The following RASSF3 variants were observed in gnomAD, a reference collection of about 807,000 sequenced individuals.
The protein encoded by RASSF3 is Ras association domain family member 3, also known as ras association domain-containing protein 3.
RASSF3 carries 19 observed loss-of-function variants against 19.9 expected under a neutral mutation model. The observed-to-expected ratio is 0.96, with a 90% CI of 0.67 to 1.40. The LOEUF is 1.40. RASSF3 is among the 40% of genes most tolerant of loss of function. The pLI is 0.00. For missense variants in RASSF3, 306 were observed against 289.8 expected, an observed-to-expected ratio of 1.06 and a Z score of -0.41; for synonymous variants, 110 against 104.2, an observed-to-expected ratio of 1.06 and a Z score of -0.34.
intron 3 of RASSF3, 113 bp downstream of exon 3, chr12:64,688,566 G>C (rs1268115210): frequency 5.2e-6 from 4 of 772,264 alleles, no homozygotes; most frequent in Non-Finnish European, 8.9e-6. Flanking sequence ...TCAGAGCCTG[G>C]AGTCCGATGC....
intron 2 of RASSF3, among the ~76,000 whole-genome samples, chr12:64,602,272 A>ATT (rs564425315): frequency 2.8e-5 from 4 of 143,574 alleles, no homozygotes; most frequent in Admixed American, 7.0e-5. Context: ...CCTCATCTCT[A>ATT]TTTTTTTTTT....
intron 2 of RASSF3, among the ~76,000 whole-genome samples, chr12:64,604,730 C>T (rs1487443449): frequency 2.0e-5 from 3 of 151,660 alleles, no homozygotes; most frequent in African/African-American, 7.3e-5. Flanking sequence ...CTCCGCCTCC[C>T]GGGTTCACGT....
chr12:64,663,553 G>A lies in RASSF3; in HGVS notation c.112-21234G>A, dbSNP rs151177401. ...TTTTTTTTTTTTGAGATGAAGTCTT[G>A]CTCTGTCACCCAGGCTGGAGTGCAG... On this transcript the variant is annotated intron_variant, in intron 1 of 4. Transcript: ENST00000542104. Among the ~76,000 whole-genome samples, 392 of 150,424 alleles carry A rather than the reference G, an allele frequency of 2.6e-3. 2 individuals carry two copies. The highest frequency in any genetic ancestry group is 9.3e-3 in the African/African-American group (380 of 40,876).
chr12:64,523,490 C>T (rs932165938), intron 1 of RASSF3, among the ~76,000 whole-genome samples: 4 of 152,058 alleles, frequency 2.6e-5, no homozygotes, highest in Non-Finnish European at 4.4e-5. Flanking sequence ...CCTGAGGTTC[C>T]AAAAAGCTCC....
At chr12:64,516,835 AC>A (rs1193885982) in intron 1 of RASSF3, among the ~76,000 whole-genome samples, 4 of 151,828 alleles carry the variant, frequency 2.6e-5, no homozygotes, top group Non-Finnish European at 5.9e-5. Flanking sequence ...CCCCATCTCT[AC>A]TTAAAAGACA....
At position 64,688,422 on chromosome 12, in the gene RASSF3, A is replaced by G. The variant is rs751247383; in HGVS notation, c.426A>G (p.Ala142=). 2.5e-6 allele frequency: 4 copies of G among 1,614,160 alleles called. No individual in the cohort carries two copies. The highest frequency in any genetic ancestry group is 2.2e-5 in the South Asian group (2 of 91,088). The change falls in exon 3 of 5, where the codon GCA becomes GCG. Residue 142 remains alanine, a synonymous_variant. Transcript: ENST00000542104. ...TGACTGAGAGCCCTGCCAAGTTTGC[A>G]CTTTATAAGCGTTGTCACAGGGAAG... The part of the protein sequence containing the change: ...FLVTESPAKF[A]LYKRCHREDQ...
intron 1 of RASSF3, among the ~76,000 whole-genome samples, chr12:64,618,383 G>A (rs1322294097): frequency 2.6e-5 from 4 of 152,144 alleles, no homozygotes; most frequent in Non-Finnish European, 5.9e-5. Context: ...CTGGAGTGCA[G>A]TGGCGTGATC....
intron 1 of RASSF3, among the ~76,000 whole-genome samples, chr12:64,679,880 C>T (rs550902801): frequency 1.4e-4 from 21 of 152,370 alleles, no homozygotes; most frequent in South Asian, 4.1e-4. Flanking sequence ...GATGCCCTCA[C>T]TGGCTGCCAA....
In RASSF3 at chr12:64,623,573, T is replaced by C. The variant is rs1870871109; in HGVS notation, c.111+12830T>C. Reference sequence around the variant, plus strand: ...CTGTTTCTGTTTGTTCAGACAGGCTTGTGGATTGCTTTTCTTGCCAGTGTT... The same window carrying C: ...CTGTTTCTGTTTGTTCAGACAGGCTCGTGGATTGCTTTTCTTGCCAGTGTT... On this transcript the variant is annotated intron_variant, in intron 1 of 4. Coordinates refer to ENST00000542104, the MANE Select transcript of RASSF3 (RefSeq NM_178169.4). Among the ~76,000 whole-genome samples, 3 of 152,222 alleles carry C rather than the reference T, an allele frequency of 2.0e-5. 1 individual carries two copies. In the South Asian group the frequency reaches 6.2e-4, roughly 31 times the overall value.
chr12:64,530,914 C>T (rs897242133), upstream of RASSF3, among the ~76,000 whole-genome samples: 1 of 152,108 alleles, frequency 6.6e-6, no homozygotes, highest in Non-Finnish European at 1.5e-5. Flanking sequence ...AAGTAGGTTA[C>T]TTGGTTTCTA....
rs929965419 is a variant in RASSF3, at chr12:64,696,967, A to G, written c.*2055A>G. 2 of 151,120 alleles carry G rather than the reference A, an allele frequency of 1.3e-5. No homozygotes were observed. The highest frequency in any genetic ancestry group is 4.9e-5 in the African/African-American group (2 of 41,030). 9.4% of individuals were successfully genotyped at this position (151,120 alleles called of 1,614,324 possible). On this transcript the variant is annotated 3_prime_UTR_variant, in exon 5 of 5. Coordinates refer to ENST00000542104, the MANE Select transcript of RASSF3 (RefSeq NM_178169.4). ...GTTATTACCACCTGGTTTTTTAATT[A>G]TTCATCCCAGTAAACTTATATTTTG... is the stretch of plus-strand genomic sequence containing the variant.
chr12:64,664,709 A>C (rs537193065), intron 1 of RASSF3, among the ~76,000 whole-genome samples: 4 of 152,318 alleles, frequency 2.6e-5, no homozygotes, highest in African/African-American at 9.6e-5. Context: ...TCAAATGTAT[A>C]AGACCAAGCA....
upstream of RASSF3, among the ~76,000 whole-genome samples, chr12:64,610,178 C>T (rs985024925): frequency 3.9e-5 from 6 of 152,276 alleles, no homozygotes; most frequent in South Asian, 6.2e-4. Context: ...AGGCTGGGGG[C>T]GGGCGGACGG....
intron 2 of RASSF3, among the ~76,000 whole-genome samples, chr12:64,576,827 G>A (rs931172927): frequency 2.0e-5 from 3 of 149,140 alleles, no homozygotes; most frequent in African/African-American, 7.5e-5. Flanking sequence ...CTCCAGCCTG[G>A]GCAATGGAGT....
chr12:64,613,472 G>C (rs912235230), intron 1 of RASSF3, among the ~76,000 whole-genome samples: 2 of 152,096 alleles, frequency 1.3e-5, no homozygotes, highest in Non-Finnish European at 2.9e-5. Flanking sequence ...GGAGAAAGGG[G>C]TGAGGGAGCG....
At position 64,694,764 on chromosome 12, in the gene RASSF3, G is replaced by GGGA. The variant is rs762902641; in HGVS notation, c.570_572dup (p.Glu191dup). The GGGA allele has an allele frequency of 5.0e-6, 8 of 1,614,052 alleles. No individual in the cohort carries two copies. Among genetic ancestry groups the GGGA allele is most frequent in the Non-Finnish European group, 6.8e-6 (8 of 1,179,954 alleles). On this transcript the variant is annotated inframe_insertion and splice_region_variant, in exon 5 of 5. Coordinates refer to ENST00000542104, the MANE Select transcript of RASSF3 (RefSeq NM_178169.4). ...TTTTCTTTCTGTGTTTCCTGACAGT[G>GGGA]GGAAGCCTTCAGCCTTCCAGAACTA...
chr12:64,663,064 C>A (rs1184323544), intron 1 of RASSF3, among the ~76,000 whole-genome samples: 1 of 152,054 alleles, frequency 6.6e-6, no homozygotes, highest in Non-Finnish European at 1.5e-5. Flanking sequence ...GGGCCACGTT[C>A]TTGGAAAAAA....
At chr12:64,541,798 G>T (rs1047624779), downstream of RASSF3, 2 of 396,530 alleles carry the variant, frequency 5.0e-6, no homozygotes, top group Non-Finnish European at 8.9e-6. Flanking sequence ...CATGGCTTAC[G>T]TATGTATCTT....
chr12:64,559,025 C>T (rs1869301037), intron 2 of RASSF3, among the ~76,000 whole-genome samples: 2 of 152,142 alleles, frequency 1.3e-5, no homozygotes, highest in South Asian at 2.1e-4. Context: ...GCTAGTCATA[C>T]TGGTGATTGT....
Sources: allele counts gnomAD v4.1 joint callset (sites outside exome capture counted in the v4.1 genomes callset), GRCh38; gene constraint gnomAD v4.1.1; transcripts MANE v1.5; gene names NCBI Gene and HGNC (gene_info 2026-07-23, HGNC 2026-07-21).